Variants in LRRC4C observed in about 807,000 individuals in gnomAD.
The protein encoded by LRRC4C is leucine rich repeat containing 4C.
A neutral mutation model predicts 33.6 loss-of-function variants in LRRC4C; 5 were observed. The ratio of observed to expected loss-of-function variants is 0.15; its 90% CI spans 0.08 to 0.31. LRRC4C has a LOEUF of 0.31. Among genes scored for constraint, LRRC4C ranks in the 10% least tolerant of loss-of-function variants. The probability of loss-of-function intolerance (pLI) is 1.00; values close to 1 mark genes in which losing one functional copy is unlikely to be tolerated. For missense variants in LRRC4C, 560 were observed against 796.7 expected (o/e 0.70, Z 3.58); for synonymous variants, 329 against 302.0 (o/e 1.09, Z -0.93).
chr11:41,319,953 T>C (rs764527596), intron 1 of LRRC4C, among the ~76,000 whole-genome samples: 1 of 152,114 alleles, frequency 6.6e-6, no homozygotes, highest in African/African-American at 2.4e-5. Flanking sequence ...AAAATAAAAG[T>C]AATGGAGTAT....
In LRRC4C at chr11:40,488,649, G is replaced by A. The variant is rs1161033201; in HGVS notation, c.-270+159493C>T. ...CTTTCAGCAGCTAGATCCTCCGTGT[G>A]TTGCCTCCCTGTTTGGATTCTTACG... On this transcript the variant is annotated intron_variant, in intron 3 of 6. Coordinates refer to ENST00000528697, the MANE Select transcript of LRRC4C (RefSeq NM_001258419.2). 2.0e-5 allele frequency among the ~76,000 whole-genome samples: 3 copies of A among 152,152 alleles called. No homozygotes were observed. The East Asian group carries it at 5.8e-4, about 29-fold the overall frequency.
At chr11:40,912,580 C>G (rs994035594) in intron 2 of LRRC4C, among the ~76,000 whole-genome samples, 16 of 152,326 alleles carry the variant, frequency 1.1e-4, no homozygotes, top group African/African-American at 3.6e-4. Context: ...TGGTACCAGC[C>G]ACTGCAAAAC....
chr11:40,273,351 G>T (rs1590878408), intron 4 of LRRC4C, among the ~76,000 whole-genome samples: 1 of 152,074 alleles, frequency 6.6e-6, no homozygotes, highest in South Asian at 2.1e-4. Flanking sequence ...GGAAGATAAG[G>T]TCAGTTTATC....
intron 1 of LRRC4C, among the ~76,000 whole-genome samples, chr11:41,375,155 AAAT>A (rs1230021578): frequency 2.0e-5 from 3 of 152,142 alleles, no homozygotes; most frequent in Non-Finnish European, 2.9e-5. Context: ...TATTACAGAA[AAAT>A]AATTAGTGAA....
chr11:40,820,847 C>G (rs555822107), intron 2 of LRRC4C, among the ~76,000 whole-genome samples: 2 of 151,692 alleles, frequency 1.3e-5, no homozygotes, highest in African/African-American at 4.8e-5. Flanking sequence ...TAAAAGACAT[C>G]TAGATTATAG....
intron 3 of LRRC4C, among the ~76,000 whole-genome samples, chr11:40,526,766 TA>T (rs1224468542): frequency 6.6e-6 from 1 of 152,144 alleles, no homozygotes; most frequent in Non-Finnish European, 1.5e-5. Flanking sequence ...TTGTAATAAC[TA>T]AAAACTGCAA....
In LRRC4C at chr11:40,317,326, G is replaced by GA. The variant is rs1565266314; in HGVS notation, c.-176+2301_-176+2302insT. Among the ~76,000 whole-genome samples the GA allele has an allele frequency of 3.3e-5, 5 of 151,706 alleles. No individual in the cohort carries two copies. In the East Asian group the frequency reaches 9.7e-4, roughly 29 times the overall value. On this transcript the variant is annotated intron_variant, in intron 4 of 6. Coordinates refer to ENST00000528697, the MANE Select transcript of LRRC4C (RefSeq NM_001258419.2). ...CATTTCCTGATTATTCCTCATTCTT[G>GA]TTTCATCACAGTATTTTAATTTTCT...
Position 40,426,958 on chromosome 11 carries a change from C to T in LRRC4C, c.-269-107237G>A, listed in dbSNP as rs1021301680. Among the ~76,000 whole-genome samples the T allele has an allele frequency of 3.9e-5, 6 of 152,120 alleles. No individual in the cohort carries two copies. The South Asian group carries it at 1.2e-3, about 32-fold the overall frequency. On this transcript the variant is annotated intron_variant, in intron 3 of 6. Transcript: ENST00000528697. Reference sequence around the variant, plus strand: ...CTTTCTGACATCTGACTTGTGCTTTCTGTCTACCAGGTGAATTGGTTTCTG... The same window carrying T: ...CTTTCTGACATCTGACTTGTGCTTTTTGTCTACCAGGTGAATTGGTTTCTG...
At chr11:40,173,998 C>A (rs1860262900) in intron 5 of LRRC4C, among the ~76,000 whole-genome samples, 1 of 152,114 alleles carries the variant, frequency 6.6e-6, no homozygotes, top group Admixed American at 6.5e-5. Flanking sequence ...CAAACTTGAA[C>A]CAACCTTGTA....
At chr11:40,249,051 T>A (rs1294093154) in intron 4 of LRRC4C, among the ~76,000 whole-genome samples, 3 of 152,056 alleles carry the variant, frequency 2.0e-5, no homozygotes, top group Non-Finnish European at 4.4e-5. Flanking sequence ...AATCTCTTGG[T>A]TGGAGGCTAG....
At chr11:41,160,747 C>T (rs1944433509) in intron 1 of LRRC4C, among the ~76,000 whole-genome samples, 1 of 152,098 alleles carries the variant, frequency 6.6e-6, no homozygotes, top group South Asian at 2.1e-4. Context: ...GATACAGACA[C>T]TCAAATGACT....
chr11:40,943,686 C>A (rs1362015833), intron 1 of LRRC4C, among the ~76,000 whole-genome samples: 1 of 152,156 alleles, frequency 6.6e-6, no homozygotes. Context: ...ATGATGAAGG[C>A]AGTTGTCTCC....
intron 2 of LRRC4C, among the ~76,000 whole-genome samples, chr11:40,724,451 G>T (rs1947187322): frequency 6.6e-6 from 1 of 152,002 alleles, no homozygotes; most frequent in African/African-American, 2.4e-5. Context: ...ATACCAAGAG[G>T]AACTCTCAAA....
chr11:41,121,621 A>T (rs1256780705), intron 1 of LRRC4C, among the ~76,000 whole-genome samples: 1 of 152,196 alleles, frequency 6.6e-6, no homozygotes, highest in African/African-American at 2.4e-5. Context: ...ACATAATAGC[A>T]AGTGGATGTG....
chr11:40,318,724 G>A (rs1021135558), intron 4 of LRRC4C, among the ~76,000 whole-genome samples: 1 of 152,080 alleles, frequency 6.6e-6, no homozygotes, highest in African/African-American at 2.4e-5. Context: ...CCCTCCACCT[G>A]CTCTTTACAG....
intron 1 of LRRC4C, among the ~76,000 whole-genome samples, chr11:41,358,576 C>A (rs909405318): frequency 1.3e-5 from 2 of 152,068 alleles, no homozygotes; most frequent in African/African-American, 4.8e-5. Flanking sequence ...GAGCCAAAGG[C>A]CTTAACAGAC....
chr11:41,246,151 A>G (rs1948443789), intron 1 of LRRC4C, among the ~76,000 whole-genome samples: 1 of 152,100 alleles, frequency 6.6e-6, no homozygotes, highest in Non-Finnish European at 1.5e-5. Flanking sequence ...GGCACCCAGG[A>G]TGCCCAGGTT....
chr11:41,253,507 A>T (rs3934831), intron 1 of LRRC4C, among the ~76,000 whole-genome samples: 63,217 of 151,776 alleles, frequency 0.42, 14,296 homozygotes, highest in East Asian at 0.61. Flanking sequence ...TCTAAGCTGC[A>T]TTTCATTTTA....
intron 1 of LRRC4C, among the ~76,000 whole-genome samples, chr11:41,057,068 G>A (rs1858676728): frequency 6.6e-6 from 1 of 152,188 alleles, no homozygotes; most frequent in Non-Finnish European, 1.5e-5. Flanking sequence ...AGCTGCAGCT[G>A]CTCGAATCAT....
Sources: allele counts gnomAD v4.1 joint callset (sites outside exome capture counted in the v4.1 genomes callset), GRCh38; gene constraint gnomAD v4.1.1; transcripts MANE v1.5; gene names NCBI Gene and HGNC (gene_info 2026-07-23, HGNC 2026-07-21).